CNTN5: variants seen among roughly 807,000 people sequenced by gnomAD.
CNTN5 encodes contactin 5, also known as contactin-5.
CNTN5 carries 77 observed loss-of-function variants against 129.1 expected under a neutral mutation model. The observed-to-expected ratio is 0.60, with a 90% CI of 0.50 to 0.72. The LOEUF (loss-of-function observed/expected upper bound fraction) is 0.72. CNTN5 is among the 30% of genes least tolerant of loss of function. The pLI is 0.00. For synonymous variants in CNTN5, 509 were observed against 465.6 expected, an observed-to-expected ratio of 1.09 and a Z score of -1.20; for missense variants, 1,478 against 1,328.8, an observed-to-expected ratio of 1.11 and a Z score of -1.75.
intron 16 of CNTN5, among the ~76,000 whole-genome samples, chr11:100,233,172 A>G (rs187051830): frequency 6.6e-6 from 1 of 152,292 alleles, no homozygotes; most frequent in East Asian, 1.9e-4. Flanking sequence ...TTCATTGATC[A>G]TGATATCCCC....
intron 3 of CNTN5, among the ~76,000 whole-genome samples, chr11:99,609,409 C>T (rs192833694): frequency 6.6e-6 from 1 of 152,088 alleles, no homozygotes; most frequent in African/African-American, 2.4e-5. Flanking sequence ...TGGGTGATAC[C>T]TGTGCAGATC....
intron 16 of CNTN5, among the ~76,000 whole-genome samples, chr11:100,251,091 G>A (rs922851637): frequency 6.6e-6 from 1 of 152,132 alleles, no homozygotes; most frequent in African/African-American, 2.4e-5. Context: ...GGGTCCTCCT[G>A]ACAGAGTTTC....
chr11:100,197,703 TATAAG>T (rs1948680519), intron 15 of CNTN5, among the ~76,000 whole-genome samples: 1 of 151,990 alleles, frequency 6.6e-6, no homozygotes, highest in South Asian at 2.1e-4. Context: ...TCAAATAGGA[TATAAG>T]AAAGTTTCTA....
chr11:99,870,972 A>C (rs1948490119), intron 6 of CNTN5, among the ~76,000 whole-genome samples: 1 of 152,112 alleles, frequency 6.6e-6, no homozygotes, highest in Non-Finnish European at 1.5e-5. Flanking sequence ...GGCGTGACCT[A>C]ACTATAGTTA....
At chr11:99,295,038 T>C (rs900382437) in intron 1 of CNTN5, among the ~76,000 whole-genome samples, 1 of 152,192 alleles carries the variant, frequency 6.6e-6, no homozygotes, top group Non-Finnish European at 1.5e-5. Context: ...ACACATTTCT[T>C]TCAGCTGCTG....
At chr11:99,855,268 A>G (rs1197914656) in intron 6 of CNTN5, among the ~76,000 whole-genome samples, 1 of 152,160 alleles carries the variant, frequency 6.6e-6, no homozygotes, top group Non-Finnish European at 1.5e-5. Context: ...ACTCTACTGC[A>G]CTGTAGCCTG....
chr11:99,336,659 G>T (rs567885676), intron 2 of CNTN5, among the ~76,000 whole-genome samples: 3 of 152,044 alleles, frequency 2.0e-5, no homozygotes, highest in Admixed American at 2.0e-4. Context: ...GGTCATCATG[G>T]TGAGACTCCG....
rs78521860 is a variant in CNTN5, at chr11:99,830,342, A to T, written c.277+10577A>T. ...TTAAAATTTTTAGCACTGTCTTCTG[A>T]CAATTGGATGATTCCTGCATTTACA... On this transcript the variant is annotated intron_variant, in intron 4 of 24. Coordinates refer to ENST00000524871, the MANE Select transcript of CNTN5 (RefSeq NM_014361.4). 5.6e-3 allele frequency among the ~76,000 whole-genome samples: 845 copies of T among 152,226 alleles called. 5 individuals carry two copies. Among genetic ancestry groups the T allele is most frequent in the African/African-American group, 0.019 (805 of 41,532 alleles).
At chr11:99,640,242 C>G (rs963974102) in intron 3 of CNTN5, among the ~76,000 whole-genome samples, 1 of 152,158 alleles carries the variant, frequency 6.6e-6, no homozygotes, top group Admixed American at 6.5e-5. Flanking sequence ...TCAGCAAGGC[C>G]CCTCTCTACT....
chr11:99,251,198 A>T (rs1194600805), intron 1 of CNTN5, among the ~76,000 whole-genome samples: 2 of 151,910 alleles, frequency 1.3e-5, no homozygotes, highest in Non-Finnish European at 2.9e-5. Context: ...CAGGTTATTT[A>T]TATGTTTTAT....
chr11:100,293,026 C>A (rs1951025037), intron 18 of CNTN5, among the ~76,000 whole-genome samples: 1 of 151,888 alleles, frequency 6.6e-6, no homozygotes, highest in Admixed American at 6.6e-5. Context: ...GGAAGAGACA[C>A]AATGGAATAT....
intron 3 of CNTN5, among the ~76,000 whole-genome samples, chr11:99,660,484 T>C (rs775810807): frequency 2.4e-4 from 36 of 152,162 alleles, no homozygotes; most frequent in South Asian, 4.1e-4. Flanking sequence ...AGTTTTATTA[T>C]ATGCCATTTA....
At chr11:99,975,058 C>G (rs1937853392) in intron 8 of CNTN5, among the ~76,000 whole-genome samples, 1 of 152,196 alleles carries the variant, frequency 6.6e-6, no homozygotes, top group Non-Finnish European at 1.5e-5. Context: ...GCTGCCCTTC[C>G]ACAAGTCGGC....
chr11:99,300,025 A>G (rs1279168799), intron 1 of CNTN5, among the ~76,000 whole-genome samples: 3 of 152,102 alleles, frequency 2.0e-5, no homozygotes, highest in Non-Finnish European at 2.9e-5. Context: ...GTGTATAAGC[A>G]TTGCCTTTTC....
chr11:99,471,352 G>T (rs1945165429), intron 2 of CNTN5, among the ~76,000 whole-genome samples: 1 of 151,988 alleles, frequency 6.6e-6, no homozygotes, highest in Non-Finnish European at 1.5e-5. Context: ...TATTAGAAAT[G>T]AAGTCAGTTT....
chr11:99,875,823 C>A (rs572355898), intron 6 of CNTN5, among the ~76,000 whole-genome samples: 1 of 152,120 alleles, frequency 6.6e-6, no homozygotes, highest in East Asian at 1.9e-4. Context: ...ATCAGCCTTC[C>A]CATATTTTAC....
intron 1 of CNTN5, among the ~76,000 whole-genome samples, chr11:99,253,355 A>T (rs1591425663): frequency 6.6e-6 from 1 of 152,050 alleles, no homozygotes; most frequent in Admixed American, 6.6e-5. Context: ...CCAGTCTCAG[A>T]TATGTCTTTA....
chr11:100,107,205 G>T (rs572621354), intron 13 of CNTN5, among the ~76,000 whole-genome samples: 1 of 152,164 alleles, frequency 6.6e-6, no homozygotes, highest in African/African-American at 2.4e-5. Flanking sequence ...TTACACACTT[G>T]TCAGTAAATT....
At chr11:99,438,098 T>C (rs1464730512) in intron 2 of CNTN5, among the ~76,000 whole-genome samples, 1 of 152,226 alleles carries the variant, frequency 6.6e-6, no homozygotes, top group Non-Finnish European at 1.5e-5. Context: ...TAAAGGTTTA[T>C]TCATGCTAGA....
Sources: gnomAD v4.1 joint callset for allele counts (sites outside exome capture counted in the v4.1 genomes callset) on GRCh38, gnomAD v4.1.1 for gene constraint, MANE v1.5 for transcripts, NCBI Gene and HGNC (gene_info 2026-07-23, HGNC 2026-07-21) for gene names.